RIOK1: variants seen among roughly 807,000 people sequenced by gnomAD.
The protein encoded by RIOK1 is RIO kinase 1.
Under a neutral mutation model 73.5 loss-of-function variants are expected in RIOK1, and 66 were observed. The ratio of observed to expected loss-of-function variants is 0.90; its 90% confidence interval spans 0.74 to 1.10. The LOEUF is 1.10. RIOK1 is among the 50% of genes least tolerant of loss of function. The probability of loss-of-function intolerance (pLI) is 0.00; values close to 1 mark genes in which losing one functional copy is unlikely to be tolerated. For missense variants in RIOK1, 658 were observed against 699.8 expected (o/e 0.94, Z 0.67); for synonymous variants, 224 against 226.8 (o/e 0.99, Z 0.11).
In RIOK1 at chr6:7,410,377, C is replaced by A; in HGVS notation, c.1204-9C>A. The A allele has an allele frequency of 6.2e-7, 1 of 1,603,952 alleles. No homozygotes were observed. The highest frequency in any genetic ancestry group is 1.7e-5 in the Admixed American group (1 of 59,412). ...TATAAAAGAAAGTCATTTTTGTTTT[C>A]TTTCCAAGGCCATGGAAATAGCATC... is the stretch of plus-strand genomic sequence containing the variant. On this transcript the variant is annotated splice_polypyrimidine_tract_variant and intron_variant, in intron 12 of 16. Coordinates refer to ENST00000379834, the MANE Select transcript of RIOK1 (RefSeq NM_031480.3).
intron 5 of RIOK1, among the ~76,000 whole-genome samples, chr6:7,399,141 C>T (rs930954885): frequency 6.6e-6 from 1 of 152,136 alleles, no homozygotes; most frequent in Non-Finnish European, 1.5e-5. Flanking sequence ...GTTAGGAATC[C>T]TTTGTTTAGA....
rs1762031452 is a variant in RIOK1 at position 7,417,309 on chromosome 6, CTTTT to C, written c.1597-19_1597-16del. Reference sequence around the variant, plus strand: ...CATACTCCAAATGAATGAAAGTTGGCTTTTTTGTTTGTTTTTTACAGGAAAGAAA... The same window carrying C: ...CATACTCCAAATGAATGAAAGTTGGCTTGTTTGTTTTTTACAGGAAAGAAA... On this transcript the variant is annotated intron_variant, in intron 16 of 16. Transcript: ENST00000379834. 6.9e-7 allele frequency: 1 copy of C among 1,444,886 alleles called. No individual in the cohort carries two copies. The highest frequency in any genetic ancestry group is 9.3e-7 in the Non-Finnish European group (1 of 1,073,458). The allele number at this position is 1,444,886 out of a possible 1,614,324, so 89.5% of individuals were successfully genotyped here.
chr6:7,400,049 G>A (rs750467201), intron 5 of RIOK1, among the ~76,000 whole-genome samples: 10 of 152,136 alleles, frequency 6.6e-5, no homozygotes, highest in Non-Finnish European at 1.5e-4. Context: ...ACAAATATTT[G>A]GCTGCTTTAG....
At chr6:7,402,974 G>C in intron 8 of RIOK1, 77 bp downstream of exon 8, 16 of 1,340,142 alleles carry the variant, frequency 1.2e-5, no homozygotes, top group Non-Finnish European at 1.6e-5. Context: ...GCAGATCCCA[G>C]TGTGGTTCTG....
chr6:7,415,777 CAG>C (rs1200894139), intron 16 of RIOK1, among the ~76,000 whole-genome samples: 5 of 152,112 alleles, frequency 3.3e-5, no homozygotes, highest in Admixed American at 1.3e-4. Context: ...GAAAAATTAC[CAG>C]AGAGGCTGCA....
intron 8 of RIOK1, among the ~76,000 whole-genome samples, chr6:7,403,670 G>C (rs112107916): frequency 9.9e-5 from 15 of 151,786 alleles, no homozygotes; most frequent in African/African-American, 3.6e-4. Flanking sequence ...ATTGTAAGAT[G>C]CACATTTTTT....
Position 7,404,955 on chromosome 6 carries a change from C to T in RIOK1, c.1030C>T (p.Gln344Ter), listed in dbSNP as rs1490007343. 1 of 1,614,154 alleles carries T rather than the reference C, an allele frequency of 6.2e-7. No individual in the cohort carries two copies. The highest frequency in any genetic ancestry group is 2.2e-5 in the East Asian group (1 of 44,894). ...GGGVYIIDVS[Q>*]SVEHDHPHAL... ...AGGCGTGTATATCATTGACGTGTCTCAGTCCGTGGAGCACGACCACCCACA... is the reference window on the plus strand; with the variant it reads ...AGGCGTGTATATCATTGACGTGTCTTAGTCCGTGGAGCACGACCACCCACA... The change falls in exon 11 of 17, where the codon CAG becomes TAG. Residue 344 changes from glutamine (Q) to a stop codon, truncating the protein, a stop_gained. Transcript: ENST00000379834. LOFTEE classifies it high-confidence loss of function.
intron 8 of RIOK1, among the ~76,000 whole-genome samples, chr6:7,403,642 A>G (rs1479249651): frequency 2.0e-5 from 3 of 152,152 alleles, no homozygotes; most frequent in Non-Finnish European, 4.4e-5. Context: ...TTGTGGACCT[A>G]TCTCCTCTAT....
intron 6 of RIOK1, among the ~76,000 whole-genome samples, chr6:7,402,339 T>G (rs564300300): frequency 3.8e-4 from 58 of 152,358 alleles, no homozygotes; most frequent in African/African-American, 1.3e-3. Flanking sequence ...TGTTATAGTC[T>G]TACGGAATCA....
At chr6:7,416,463 A>G (rs1363442024) in intron 16 of RIOK1, among the ~76,000 whole-genome samples, 3 of 152,264 alleles carry the variant, frequency 2.0e-5, no homozygotes, top group Non-Finnish European at 2.9e-5. Flanking sequence ...CCTGGCTAAC[A>G]TGGTGAAACC....
rs755334419 is a variant in RIOK1 at position 7,414,396 on chromosome 6, C to G, written c.1596+6C>G. On this transcript the variant is annotated splice_donor_region_variant and intron_variant, in intron 16 of 16. Transcript: ENST00000379834. ...ACCCTGACATTGATAAAAAAGTAAG[C>G]AATGAAATACCTTCCCCTTTTCTTT... is the stretch of plus-strand genomic sequence containing the variant. 6 of 1,597,088 alleles carry G rather than the reference C, an allele frequency of 3.8e-6. No individual in the cohort carries two copies. In the African/African-American group the frequency reaches 8.1e-5, roughly 22 times the overall value.
Position 7,404,425 on chromosome 6 carries a change from C to T in RIOK1, c.862C>T (p.Pro288Ser). 2 of 1,614,030 alleles carry T rather than the reference C, an allele frequency of 1.2e-6. No individual in the cohort carries two copies. The highest frequency in any genetic ancestry group is 1.7e-6 in the Non-Finnish European group (2 of 1,180,002). ...TAGTTCTTTTCATTCAAGGCCTGCACCACTCTTGAAAAATGTCCAGTTATC... is the reference window on the plus strand; with the variant it reads ...TAGTTCTTTTCATTCAAGGCCTGCATCACTCTTGAAAAATGTCCAGTTATC... Reference protein sequence around the residue: ...SFIGKDDMPAPLLKNVQLSES... With the variant: ...SFIGKDDMPASLLKNVQLSES... The change falls in exon 10 of 17, where the codon CCA (proline) becomes TCA (serine). Residue 288 changes from proline (P) to serine (S), a missense_variant. Transcript: ENST00000379834.
intron 14 of RIOK1, 26 bp downstream of exon 14, chr6:7,411,477 AAGCAGCTCTTC>A: frequency 6.2e-7 from 1 of 1,612,970 alleles, no homozygotes; most frequent in Non-Finnish European, 8.5e-7. Flanking sequence ...TGTATATAGC[AAGCAGCTCTTC>A]AAAAGTAGTA....
intron 2 of RIOK1, among the ~76,000 whole-genome samples, chr6:7,394,370 G>T (rs918640637): frequency 6.6e-6 from 1 of 152,164 alleles, no homozygotes; most frequent in African/African-American, 2.4e-5. Context: ...GGAGGCGGAG[G>T]TTGCAGTGAG....
At chr6:7,399,243 CT>C (rs1744578300) in intron 5 of RIOK1, among the ~76,000 whole-genome samples, 1 of 152,092 alleles carries the variant, frequency 6.6e-6, no homozygotes, top group Admixed American at 6.6e-5. Context: ...GGATATTAGC[CT>C]TGGCCCAGAT....
chr6:7,407,691 A>G (rs951078997), intron 12 of RIOK1, among the ~76,000 whole-genome samples: 5 of 151,466 alleles, frequency 3.3e-5, no homozygotes. Context: ...ACAGGGTCTC[A>G]CTGTGTTTTC....
At chr6:7,394,615 G>GT (rs1761426753) in intron 2 of RIOK1, among the ~76,000 whole-genome samples, 2 of 152,170 alleles carry the variant, frequency 1.3e-5, no homozygotes, top group Admixed American at 6.5e-5. Flanking sequence ...TAGCACCAGC[G>GT]TAAGTGCTGA....
chr6:7,408,244 C>T (rs1301455537), intron 12 of RIOK1, among the ~76,000 whole-genome samples: 2 of 152,196 alleles, frequency 1.3e-5, no homozygotes, highest in Non-Finnish European at 2.9e-5. Flanking sequence ...CCATGTTGGC[C>T]ATGGCAAGTC....
chr6:7,396,795 G>A (rs1422920317), intron 4 of RIOK1, 23 bp downstream of exon 4: 1 of 1,302,946 alleles, frequency 7.7e-7, no homozygotes, highest in African/African-American at 1.5e-5. Flanking sequence ...TTAATAATAT[G>A]CATGGGTGAT....
Sources: gnomAD v4.1 joint callset for allele counts (sites outside exome capture counted in the v4.1 genomes callset) on GRCh38, gnomAD v4.1.1 for gene constraint, MANE v1.5 for transcripts, NCBI Gene and HGNC (gene_info 2026-07-23, HGNC 2026-07-21) for gene names.